The following TTLL1 variants were observed in gnomAD, a reference collection of about 807,000 sequenced individuals.
TTLL1 encodes TTL family tubulin polyglutamylase complex subunit L1.
Under a neutral mutation model 47.8 loss-of-function variants are expected in TTLL1, and 33 were observed. That is an observed-to-expected ratio of 0.69 (90% CI 0.52 to 0.92). The LOEUF (loss-of-function observed/expected upper bound fraction) is 0.92. TTLL1 is among the 40% of genes least tolerant of loss of function. The pLI is 0.00. For missense variants in TTLL1, 488 were observed against 547.5 expected (o/e 0.89, Z 1.08); for synonymous variants, 225 against 214.1 (o/e 1.05, Z -0.45).
At chr22:43,088,267 A>G (rs929621343) in intron 1 of TTLL1, among the ~76,000 whole-genome samples, 1 of 149,806 alleles carries the variant, frequency 6.7e-6, no homozygotes, top group Admixed American at 6.7e-5. Context: ...TGACAGTACC[A>G]TGCTCCACAG....
At chr22:43,077,293 C>T (rs1383033676) in intron 2 of TTLL1, among the ~76,000 whole-genome samples, 1 of 152,166 alleles carries the variant, frequency 6.6e-6, no homozygotes, top group Non-Finnish European at 1.5e-5. Context: ...ACAGGCCTCG[C>T]ACACACTGGG....
intron 5 of TTLL1, among the ~76,000 whole-genome samples, chr22:43,067,716 A>G (rs1171339316): frequency 6.6e-6 from 1 of 152,070 alleles, no homozygotes; most frequent in African/African-American, 2.4e-5. Flanking sequence ...CACGCCTGTA[A>G]TCCCAGCACT....
At position 43,052,158 on chromosome 22, in the gene TTLL1, C is replaced by T. The variant is rs112894264; in HGVS notation, c.892-271G>A. The T allele has an allele frequency of 3.6e-3, 1,638 of 449,664 alleles. 23 individuals carry two copies. Among genetic ancestry groups the T allele is most frequent in the African/African-American group, 0.03 (1,499 of 50,160 alleles). The allele number at this position is 449,664 out of a possible 1,614,324, so 27.9% of individuals were successfully genotyped here. On this transcript the variant is annotated intron_variant, in intron 8 of 10. Coordinates refer to ENST00000266254, the MANE Select transcript of TTLL1 (RefSeq NM_012263.5). ...ATCAGAGGCTTGACTAGCACCCAAC[C>T]CCTCTGTTGGCGTGAGACTGTCATC...
intron 3 of TTLL1, among the ~76,000 whole-genome samples, chr22:43,074,491 C>T: frequency 6.7e-6 from 1 of 149,904 alleles, no homozygotes; most frequent in African/African-American, 2.5e-5. Flanking sequence ...TTAGCCAAGA[C>T]TATTACACTG....
chr22:43,056,473 T>A (rs1039012900), intron 8 of TTLL1, among the ~76,000 whole-genome samples: 35 of 148,248 alleles, frequency 2.4e-4, no homozygotes, highest in African/African-American at 8.1e-4. Context: ...TTTTTTTTTT[T>A]TTTTTTTTTT....
intron 9 of TTLL1, among the ~76,000 whole-genome samples, chr22:43,050,125 A>G (rs969698070): frequency 6.6e-6 from 1 of 151,388 alleles, no homozygotes; most frequent in Non-Finnish European, 1.5e-5. Context: ...TTGTTATTAT[A>G]TAAAAAGTAG....
At chr22:43,082,953 G>A (rs527290315) in intron 1 of TTLL1, among the ~76,000 whole-genome samples, 1 of 152,064 alleles carries the variant, frequency 6.6e-6, no homozygotes, top group Non-Finnish European at 1.5e-5. Context: ...GGCAGAGGTT[G>A]CAATGAGCCG....
chr22:43,059,627 G>A lies in TTLL1; in HGVS notation c.748-100C>T. On this transcript the variant is annotated intron_variant, in intron 7 of 10. Transcript: ENST00000266254. ...CCAAGCATTTCTGGAGTGCCCCCTG[G>A]GTGTGGGCATCCAGCAACAAGGCAA... The A allele has an allele frequency of 3.6e-6, 5 of 1,401,176 alleles. No individual in the cohort carries two copies. The South Asian group carries it at 7.4e-5, about 21-fold the overall frequency. The allele number at this position is 1,401,176 out of a possible 1,614,324, so 86.8% of individuals were successfully genotyped here. A position where few individuals can be genotyped will look rare whatever the true frequency, so the allele number is the denominator to read the frequency against.
chr22:43,082,780 A>G (rs1481679889), intron 1 of TTLL1, among the ~76,000 whole-genome samples: 15 of 148,568 alleles, frequency 1.0e-4, no homozygotes, highest in Admixed American at 8.0e-4. Context: ...TTGGGAGGCC[A>G]AGGTGGGTGG....
intron 4 of TTLL1, among the ~76,000 whole-genome samples, chr22:43,069,220 C>CA (rs66913313): frequency 0.059 from 4,724 of 80,386 alleles, 91 homozygotes; most frequent in Non-Finnish European, 0.084. Flanking sequence ...ACTAAAAATA[C>CA]AAAAAAAAAA....
intron 8 of TTLL1, 121 bp downstream of exon 8, chr22:43,059,263 G>T: frequency 1.4e-6 from 2 of 1,397,174 alleles, no homozygotes; most frequent in Non-Finnish European, 1.9e-6. Context: ...CAGCTTGCTG[G>T]GATTACAGGC....
At position 43,065,235 on chromosome 22, in the gene TTLL1, T is replaced by C. The variant is rs566245579; in HGVS notation, c.504-911A>G. The stretch of plus-strand genomic sequence containing the variant: ...GGACAACACTAAGAGTAAACCCTAA[T>C]GTGAACTATGGCCTTTGGGTGATGA... On this transcript the variant is annotated intron_variant, in intron 5 of 10. Transcript: ENST00000266254. Among the ~76,000 whole-genome samples the C allele has an allele frequency of 4.6e-5, 7 of 152,252 alleles. No homozygotes were observed. In the East Asian group the frequency reaches 1.4e-3, roughly 29 times the overall value.
chr22:43,082,470 C>G (rs1034998614), intron 1 of TTLL1, among the ~76,000 whole-genome samples: 1 of 152,156 alleles, frequency 6.6e-6, no homozygotes, highest in African/African-American at 2.4e-5. Context: ...AATCCCAGCA[C>G]TTTGGAAGGC....
intron 4 of TTLL1, 37 bp downstream of exon 4, chr22:43,069,599 T>C (rs780930194): frequency 1.2e-6 from 2 of 1,613,038 alleles, no homozygotes; most frequent in Non-Finnish European, 8.5e-7. Flanking sequence ...AATTCAGCTG[T>C]TTACTGAAAA....
intron 1 of TTLL1, among the ~76,000 whole-genome samples, chr22:43,080,963 CT>C (rs1169442733): frequency 7.9e-6 from 1 of 125,842 alleles, no homozygotes; most frequent in Non-Finnish European, 1.6e-5. Flanking sequence ...GTCACCCAGG[CT>C]GGAGTGCAAT....
chr22:43,040,035 T>G, intron 10 of TTLL1, 130 bp from the exon 11 acceptor site: 1 of 1,257,298 alleles, frequency 8.0e-7, no homozygotes, highest in Non-Finnish European at 1.1e-6. Context: ...CCCTCGCGAC[T>G]CCTGCTGGCT....
intron 8 of TTLL1, among the ~76,000 whole-genome samples, chr22:43,053,975 C>T (rs1926823502): frequency 6.6e-6 from 1 of 152,214 alleles, no homozygotes. Context: ...CACGTGTCAA[C>T]CGATGAGCGG....
At chr22:43,057,479 C>T (rs1927094964) in intron 8 of TTLL1, among the ~76,000 whole-genome samples, 1 of 152,128 alleles carries the variant, frequency 6.6e-6, no homozygotes, top group South Asian at 2.1e-4. Context: ...GTGGGGGACA[C>T]ATACCACAGC....
chr22:43,051,369 T>C (rs1926607080), intron 9 of TTLL1, among the ~76,000 whole-genome samples: 1 of 152,246 alleles, frequency 6.6e-6, no homozygotes, highest in Non-Finnish European at 1.5e-5. Flanking sequence ...TACCTTCATA[T>C]ATGCCAAAGA....
Sources: allele counts gnomAD v4.1 joint callset (sites outside exome capture counted in the v4.1 genomes callset), GRCh38; gene constraint gnomAD v4.1.1; transcripts MANE v1.5; gene names NCBI Gene and HGNC (gene_info 2026-07-23, HGNC 2026-07-21).